The following RGSL1 variants were observed in gnomAD, a reference collection of about 807,000 sequenced individuals.
RGSL1 encodes regulator of G protein signaling like 1, also known as regulator of G protein signaling protein-like.
In RGSL1, 97 loss-of-function variants were observed where a neutral mutation model predicts 124.7. The ratio of observed to expected loss-of-function variants is 0.78; its 90% CI spans 0.66 to 0.92. The LOEUF is 0.92. RGSL1 is among the 40% of genes least tolerant of loss of function. The probability of loss-of-function intolerance (pLI) is 0.00; values close to 1 mark genes in which losing one functional copy is unlikely to be tolerated. For synonymous variants in RGSL1, 424 were observed against 438.1 expected, an observed-to-expected ratio of 0.97 and a Z score of 0.40; for missense variants, 1,233 against 1,288.4, an observed-to-expected ratio of 0.96 and a Z score of 0.66.
rs773096804 is a variant in RGSL1 at position 182,548,725 on chromosome 1, A to T, written c.2834A>T (p.Asp945Val). 4 of 1,551,630 alleles carry T rather than the reference A, an allele frequency of 2.6e-6. No individual in the cohort carries two copies. In the South Asian group the frequency reaches 4.8e-5, roughly 18 times the overall value. ...GTGAATGTCCCTGAGTTCCAGAAGG[A>T]TGCCATCCTTGCTGCCATCACAGAG... is the stretch of plus-strand genomic sequence containing the variant. ...LRVNVPEFQKDAILAAITEGY... is the reference protein window; with the variant it reads ...LRVNVPEFQKVAILAAITEGY... Residue 945 changes from aspartate to valine, a missense_variant, in exon 17 of 22, where the codon GAT becomes GTT. By Grantham distance (152) the Asp-to-Val change is radical. Transcript: ENST00000294854.
At chr1:182,480,460 G>T (rs1041662131) in intron 6 of RGSL1, among the ~76,000 whole-genome samples, 4 of 142,192 alleles carry the variant, frequency 2.8e-5, no homozygotes, top group Non-Finnish European at 6.2e-5. Flanking sequence ...AACATTACAA[G>T]TTTTTTTTTT....
At chr1:182,469,840 G>A (rs1056825801) in intron 4 of RGSL1, among the ~76,000 whole-genome samples, 1 of 152,028 alleles carries the variant, frequency 6.6e-6, no homozygotes, top group Non-Finnish European at 1.5e-5. Flanking sequence ...GCCATAAAAA[G>A]GAAATTATGA....
At chr1:182,481,451 A>G (rs946763872) in intron 6 of RGSL1, among the ~76,000 whole-genome samples, 8 of 152,342 alleles carry the variant, frequency 5.3e-5, no homozygotes, top group African/African-American at 1.9e-4. Flanking sequence ...AAGTAATAAT[A>G]AACTTCCCAA....
intron 9 of RGSL1, among the ~76,000 whole-genome samples, chr1:182,498,264 T>C (rs1156866797): frequency 1.3e-5 from 2 of 152,210 alleles, no homozygotes; most frequent in African/African-American, 4.8e-5. Flanking sequence ...CAAGCTGGCT[T>C]ATGTCTCGTT....
chr1:182,460,831 T>C (rs1652768865), intron 4 of RGSL1: 1 of 419,774 alleles, frequency 2.4e-6, no homozygotes, highest in Non-Finnish European at 4.8e-6. Flanking sequence ...TAAATTGTAG[T>C]TGATCTCATT....
chr1:182,552,189 C>T (rs756569791), intron 18 of RGSL1, among the ~76,000 whole-genome samples: 3 of 151,860 alleles, frequency 2.0e-5, no homozygotes, highest in Non-Finnish European at 4.4e-5. Flanking sequence ...TCTCGGCTCA[C>T]TGCAAGCTCC....
chr1:182,472,267 C>T, intron 4 of RGSL1, 129 bp from the exon 5 acceptor site: 1 of 852,440 alleles, frequency 1.2e-6, no homozygotes. Context: ...TACCTTGAAC[C>T]AATCACCAGG....
rs374453581 is a variant in RGSL1, at chr1:182,552,987, C to G, written c.3044-468C>G. 3.3e-5 allele frequency among the ~76,000 whole-genome samples: 5 copies of G among 152,312 alleles called. No individual in the cohort carries two copies. The East Asian group carries it at 7.7e-4, about 24-fold the overall frequency. ...TGGCATGATCTTGGCTCACCACACC[C>G]TCCGCCTCCTGGGTTCAAGCAATTC... is the stretch of plus-strand genomic sequence containing the variant. On this transcript the variant is annotated intron_variant, in intron 18 of 21. Transcript: ENST00000294854.
At position 182,473,993 on chromosome 1, in the gene RGSL1, C is replaced by A. The variant is rs1357659341; in HGVS notation, c.882C>A (p.Ser294=). The A allele has an allele frequency of 6.4e-7, 1 of 1,551,842 alleles. No individual in the cohort carries two copies. The highest frequency in any genetic ancestry group is 8.7e-7 in the Non-Finnish European group (1 of 1,147,016). Residue 294 remains serine, a synonymous_variant, in exon 6 of 22, where the codon TCC becomes TCA. Coordinates refer to ENST00000294854, the MANE Select transcript of RGSL1 (RefSeq NM_001137669.2). ...PQEKVVIQMP[S]LKMASSKETR... is the part of the protein sequence containing the mutation. Reference sequence around the variant, plus strand: ...AGAAGGTGGTTATACAAATGCCTTCCCTGAAAATGGCTTCTTCAAAGGAAA... The same window carrying A: ...AGAAGGTGGTTATACAAATGCCTTCACTGAAAATGGCTTCTTCAAAGGAAA...
intron 4 of RGSL1, among the ~76,000 whole-genome samples, chr1:182,466,763 A>G (rs993343006): frequency 6.6e-6 from 1 of 152,198 alleles, no homozygotes; most frequent in Non-Finnish European, 1.5e-5. Context: ...AAAACAATGT[A>G]CAGATTCATG....
chr1:182,523,710 A>C (rs1315879719), intron 10 of RGSL1, among the ~76,000 whole-genome samples: 1 of 152,174 alleles, frequency 6.6e-6, no homozygotes, highest in African/African-American at 2.4e-5. Flanking sequence ...CTTATTCAAT[A>C]AGTAAATGAC....
intron 18 of RGSL1, 98 bp downstream of exon 18, chr1:182,551,307 G>C: frequency 2.1e-6 from 2 of 941,358 alleles, no homozygotes; most frequent in South Asian, 3.0e-5. Context: ...CTTCCTTGAG[G>C]GTGTTTGCTG....
chr1:182,457,389 G>A (rs1652432114), intron 2 of RGSL1, among the ~76,000 whole-genome samples: 1 of 152,110 alleles, frequency 6.6e-6, no homozygotes, highest in Non-Finnish European at 1.5e-5. Context: ...ACCCCACTCA[G>A]TGTGTGTTGT....
chr1:182,503,687 T>C (rs1224422260), intron 9 of RGSL1, among the ~76,000 whole-genome samples: 1 of 152,094 alleles, frequency 6.6e-6, no homozygotes, highest in African/African-American at 2.4e-5. Context: ...GCCTAGTATT[T>C]GATAGCACAA....
At chr1:182,527,092 C>G (rs1474927532) in intron 10 of RGSL1, among the ~76,000 whole-genome samples, 2 of 151,968 alleles carry the variant, frequency 1.3e-5, no homozygotes, top group Non-Finnish European at 2.9e-5. Flanking sequence ...AAATTGAAAT[C>G]ACAGAGGAGG....
chr1:182,548,347 G>A lies in RGSL1; in HGVS notation c.2700G>A (p.Met900Ile). 1 of 1,552,018 alleles carries A rather than the reference G, an allele frequency of 6.4e-7. No homozygotes were observed. The highest frequency in any genetic ancestry group is 8.7e-7 in the Non-Finnish European group (1 of 1,147,064). ...ATGATCTGGTCAGTTCAGCCCACAT[G>A]CTGCAGGTCAACCGGGCATATAATG... ...KFNDLVSSAH[M>I]LQVNRAYNEN... Residue 900 changes from methionine to isoleucine, a missense_variant, in exon 16 of 22, where the codon ATG becomes ATA. Met to Ile is a conservative substitution (Grantham distance 10, BLOSUM62 1). Transcript: ENST00000294854.
intron 6 of RGSL1, among the ~76,000 whole-genome samples, chr1:182,482,328 T>C (rs1449035794): frequency 6.6e-6 from 1 of 151,978 alleles, no homozygotes; most frequent in Non-Finnish European, 1.5e-5. Context: ...CAGAACAAGC[T>C]AAGGATCCTC....
chr1:182,478,844 G>A (rs768464767), intron 6 of RGSL1, among the ~76,000 whole-genome samples: 17 of 152,242 alleles, frequency 1.1e-4, no homozygotes, highest in African/African-American at 3.4e-4. Flanking sequence ...AATGGGAAAC[G>A]TGACTTGTAA....
At chr1:182,521,007 G>A (rs1265647444) in intron 9 of RGSL1, among the ~76,000 whole-genome samples, 2 of 151,872 alleles carry the variant, frequency 1.3e-5, no homozygotes, top group African/African-American at 4.8e-5. Flanking sequence ...AACCTCAAAG[G>A]GCTCTTATAA....
Sources: allele counts gnomAD v4.1 joint callset (sites outside exome capture counted in the v4.1 genomes callset), GRCh38; gene constraint gnomAD v4.1.1; transcripts MANE v1.5; gene names NCBI Gene and HGNC (gene_info 2026-07-23, HGNC 2026-07-21).